Variants in DLG3 observed in about 807,000 individuals in gnomAD.
DLG3 encodes the protein disks large homolog 3.
In DLG3, 1 loss-of-function variant was observed where a neutral mutation model predicts 64.1. The observed-to-expected ratio is 0.02, with a 90% CI of 0.01 to 0.07. DLG3 has a LOEUF of 0.07. DLG3 is among the 10% of genes least tolerant of loss of function. DLG3 has a pLI of 1.00. For missense variants in DLG3, 429 were observed against 669.5 expected (o/e 0.64, Z 3.96); for synonymous variants, 245 against 259.8 (o/e 0.94, Z 0.55).
Position 70,453,807 on chromosome X carries a change from G to C in DLG3, c.1302+14G>C, listed in dbSNP as rs1428350679. ...CGGATCTTATCGGTGAGGAGACAAA[G>C]GAGAGGTGGGAGGATGGGAACTGTG... On this transcript the variant is annotated intron_variant, in intron 8 of 18. Transcript: ENST00000374360. 2 of 1,167,042 alleles carry C rather than the reference G, an allele frequency of 1.7e-6. No individual in the cohort carries two copies. The highest frequency in any genetic ancestry group is 2.3e-6 in the Non-Finnish European group (2 of 868,747).
intron 9 of DLG3, among the ~76,000 whole-genome samples, chrX:70,469,086 C>T (rs1317140161): frequency 9.0e-6 from 1 of 111,152 alleles, no homozygotes; most frequent in Non-Finnish European, 1.9e-5. Flanking sequence ...TCATAGCTCC[C>T]TGTAGCCTTG....
intron 12 of DLG3, among the ~76,000 whole-genome samples, chrX:70,494,960 C>T (rs960675634): frequency 1.8e-5 from 2 of 112,415 alleles, no homozygotes; most frequent in African/African-American, 6.5e-5. Flanking sequence ...TGCTCTTTCA[C>T]GCACTGCAGA....
At chrX:70,456,885 A>C (rs1233051165) in intron 9 of DLG3, among the ~76,000 whole-genome samples, 2 of 111,747 alleles carry the variant, frequency 1.8e-5, no homozygotes, top group African/African-American at 3.3e-5. Flanking sequence ...ATGTTGATCA[A>C]TTTATAAACA....
At chrX:70,494,622 A>C (rs1225918067) in intron 12 of DLG3, among the ~76,000 whole-genome samples, 3 of 112,209 alleles carry the variant, frequency 2.7e-5, no homozygotes, top group Non-Finnish European at 5.6e-5. Flanking sequence ...TCTGAGTCAG[A>C]GGCCTGAGGT....
intron 7 of DLG3, chrX:70,452,285 G>A (rs1602872529): frequency 9.4e-7 from 1 of 1,058,420 alleles, no homozygotes; most frequent in East Asian, 3.5e-5. Context: ...GATAAAGAAA[G>A]GATGGGGTGG....
intron 9 of DLG3, among the ~76,000 whole-genome samples, chrX:70,472,542 G>A (rs765723131): frequency 1.7e-4 from 19 of 110,482 alleles, no homozygotes; most frequent in Admixed American, 3.9e-4. Flanking sequence ...GTGACAGAAC[G>A]AGACTCCTGT....
At chrX:70,466,409 G>A (rs145988669) in intron 9 of DLG3, among the ~76,000 whole-genome samples, 76 of 106,915 alleles carry the variant, frequency 7.1e-4, no homozygotes, top group African/African-American at 2.3e-3. Context: ...CATATATATT[G>A]CAAAGACTAC....
At chrX:70,497,224 A>G in intron 13 of DLG3, 1 of 1,209,148 alleles carries the variant, frequency 8.3e-7, no homozygotes. Flanking sequence ...CAGTTCCAGT[A>G]AGTGTGTGTC....
intron 9 of DLG3, chrX:70,455,384 T>G: frequency 1.4e-6 from 1 of 737,850 alleles, no homozygotes; most frequent in Admixed American, 8.6e-5. Context: ...CTCGAATGCC[T>G]TCGTTGCGTG....
chrX:70,445,594 C>G lies in DLG3; in HGVS notation c.357+36C>G, dbSNP rs781183795. On this transcript the variant is annotated intron_variant, in intron 1 of 18. Transcript: ENST00000374360. ...GCGGAGGGGGGAGCGGTGGGGCAAC[C>G]CAGGAGGGCTGGAGAGTGGGGGCCT... 41 of 1,142,829 alleles carry G rather than the reference C, an allele frequency of 3.6e-5. No homozygotes were observed. In the South Asian group the frequency reaches 6.7e-4, roughly 19 times the overall value. The allele number at this position is 1,142,829 out of a possible 1,213,427, so 94.2% of individuals were successfully genotyped here.
At chrX:70,455,504 C>A (rs2086689928) in intron 9 of DLG3, among the ~76,000 whole-genome samples, 2 of 110,033 alleles carry the variant, frequency 1.8e-5, no homozygotes, top group South Asian at 8.0e-4. Context: ...TCTTAGCCAT[C>A]ACCTCTCCCC....
intron 8 of DLG3, 77 bp downstream of exon 8, chrX:70,453,870 C>G (rs913118676): frequency 7.4e-6 from 7 of 951,393 alleles, no homozygotes; most frequent in Non-Finnish European, 9.9e-6. Flanking sequence ...TTACTTCCTC[C>G]GAGGAATGCT....
At chrX:70,484,852 A>G (rs181071030) in intron 10 of DLG3, among the ~76,000 whole-genome samples, 33 of 112,013 alleles carry the variant, frequency 2.9e-4, no homozygotes, top group African/African-American at 9.4e-4. Flanking sequence ...CCTTTCTTCA[A>G]GATACACCAG....
chrX:70,473,209 T>C (rs1256189881), intron 9 of DLG3, among the ~76,000 whole-genome samples: 1 of 108,731 alleles, frequency 9.2e-6, no homozygotes, highest in Non-Finnish European at 1.9e-5. Context: ...TTACAAGGCC[T>C]TGTATGATCT....
At chrX:70,490,262 T>C (rs756684906) in intron 10 of DLG3, among the ~76,000 whole-genome samples, 15 of 112,438 alleles carry the variant, frequency 1.3e-4, no homozygotes, top group African/African-American at 4.8e-4. Flanking sequence ...TTCTAATCTT[T>C]GAAACCCATA....
Position 70,480,949 on chromosome X carries a change from G to C in DLG3, c.1520+1685G>C, listed in dbSNP as rs143936056. Among the ~76,000 whole-genome samples the C allele has an allele frequency of 3.0e-3, 333 of 112,309 alleles. 3 individuals are homozygous for C. The highest frequency in any genetic ancestry group is 4.7e-3 in the Non-Finnish European group (251 of 53,215). On this transcript the variant is annotated intron_variant, in intron 10 of 18. Coordinates refer to ENST00000374360, the MANE Select transcript of DLG3 (RefSeq NM_021120.4). Reference sequence around the variant, plus strand: ...AAGGGATACACTTAGCTTAACTCTGGGGCGAGGGTGGAGACCATGACTGTG... The same window carrying C: ...AAGGGATACACTTAGCTTAACTCTGCGGCGAGGGTGGAGACCATGACTGTG...
Position 70,445,537 on chromosome X carries a change from C to T in DLG3, c.336C>T (p.Thr112=), listed in dbSNP as rs1477851557. 1.7e-6 allele frequency: 2 copies of T among 1,182,654 alleles called. No individual in the cohort carries two copies. The highest frequency in any genetic ancestry group is 2.3e-6 in the Non-Finnish European group (2 of 881,405). Residue 112 remains threonine (T), a synonymous_variant, in exon 1 of 19, where the codon ACC becomes ACT. Transcript: ENST00000374360. Reference sequence around the variant, plus strand: ...GCTGGTGGCCAGAGTGCACCTGTACCAACCGGGACTGGTATGAGCAGGTAT... The same window carrying T: ...GCTGGTGGCCAGAGTGCACCTGTACTAACCGGGACTGGTATGAGCAGGTAT... ...GPSWWPECTC[T]NRDWYEQVNG... is the part of the protein sequence containing the mutation.
intron 18 of DLG3, 66 bp downstream of exon 18, chrX:70,501,055 C>T (rs2087548829): frequency 1.2e-6 from 1 of 857,919 alleles, no homozygotes; most frequent in African/African-American, 2.0e-5. Context: ...CTATAAGTGT[C>T]TCAAAGAGGT....
chrX:70,501,413 C>CTGTCTCTGTGTGTGTGTG (rs1421730747), intron 18 of DLG3, among the ~76,000 whole-genome samples: 7 of 93,884 alleles, frequency 7.5e-5, no homozygotes, highest in Non-Finnish European at 1.3e-4. Context: ...GTCTGTCTGT[C>CTGTCTCTGTGTGTGTGTG]TGTGTGTGTG....
Sources: gnomAD v4.1 joint callset for allele counts (sites outside exome capture counted in the v4.1 genomes callset) on GRCh38, gnomAD v4.1.1 for gene constraint, MANE v1.5 for transcripts, NCBI Gene and HGNC (gene_info 2026-07-23, HGNC 2026-07-21) for gene names.